Variants in NPAS3 observed in about 807,000 individuals in gnomAD.
NPAS3 encodes the protein neuronal PAS domain protein 3.
In NPAS3, 14 loss-of-function variants were observed where a neutral mutation model predicts 73.1. The observed-to-expected ratio is 0.19, with a 90% CI of 0.13 to 0.30. The LOEUF (loss-of-function observed/expected upper bound fraction) is 0.30. Among genes scored for constraint, NPAS3 ranks in the 10% least tolerant of loss-of-function variants. The pLI is 1.00. For synonymous variants in NPAS3, 620 were observed against 541.5 expected (o/e 1.14, Z -2.01); for missense variants, 1,096 against 1,250.0 (o/e 0.88, Z 1.86).
At chr14:33,313,364 C>T (rs895105191) in intron 3 of NPAS3, among the ~76,000 whole-genome samples, 2 of 151,966 alleles carry the variant, frequency 1.3e-5, no homozygotes, top group African/African-American at 4.8e-5. Context: ...TATTGAATCA[C>T]AGTGCCATCT....
At chr14:33,252,233 A>G (rs1476229061) in intron 3 of NPAS3, among the ~76,000 whole-genome samples, 1 of 152,032 alleles carries the variant, frequency 6.6e-6, no homozygotes, top group Non-Finnish European at 1.5e-5. Flanking sequence ...GGTACAGCCC[A>G]TAGGACTGCA....
rs370502305 is a variant in NPAS3, at chr14:33,129,732, G to A, written c.140+73738G>A. On this transcript the variant is annotated intron_variant, in intron 2 of 11. Transcript: ENST00000356141. Reference sequence around the variant, plus strand: ...TAATAGGAGATGTAGAAGTGAGTATGTATAAAGGATCCCATGTTCAGAGGT... The same window carrying A: ...TAATAGGAGATGTAGAAGTGAGTATATATAAAGGATCCCATGTTCAGAGGT... Among the ~76,000 whole-genome samples the A allele has an allele frequency of 1.5e-4, 23 of 152,194 alleles. No homozygotes were observed. In the South Asian group the frequency reaches 4.6e-3, roughly 30 times the overall value.
At chr14:33,661,994 G>A (rs1422640569) in intron 5 of NPAS3, among the ~76,000 whole-genome samples, 1 of 152,224 alleles carries the variant, frequency 6.6e-6, no homozygotes, top group Non-Finnish European at 1.5e-5. Flanking sequence ...CACATGTAAA[G>A]CTTGTCAAAA....
intron 4 of NPAS3, among the ~76,000 whole-genome samples, chr14:33,447,999 G>C (rs1407096671): frequency 1.3e-5 from 2 of 152,210 alleles, no homozygotes; most frequent in East Asian, 3.8e-4. Flanking sequence ...TACATGTGTG[G>C]CAGAGGGAAC....
At chr14:33,728,042 A>G (rs1216614470) in intron 6 of NPAS3, among the ~76,000 whole-genome samples, 1 of 152,110 alleles carries the variant, frequency 6.6e-6, no homozygotes, top group Non-Finnish European at 1.5e-5. Flanking sequence ...AGAAACACCC[A>G]CTGGTAGCAG....
intron 6 of NPAS3, among the ~76,000 whole-genome samples, chr14:33,705,558 G>A (rs1037503070): frequency 2.6e-5 from 4 of 152,150 alleles, no homozygotes; most frequent in African/African-American, 7.2e-5. Context: ...TGTCTTTTGC[G>A]GACATTCTAG....
chr14:33,701,536 T>C (rs2060523246), intron 6 of NPAS3, among the ~76,000 whole-genome samples: 1 of 152,214 alleles, frequency 6.6e-6, no homozygotes, highest in Non-Finnish European at 1.5e-5. Context: ...AATCCTTCAT[T>C]AGTTTTTAGA....
At chr14:33,205,639 A>G (rs953338873) in intron 2 of NPAS3, among the ~76,000 whole-genome samples, 2 of 152,190 alleles carry the variant, frequency 1.3e-5, no homozygotes, top group Non-Finnish European at 2.9e-5. Flanking sequence ...GTAGTGTTTA[A>G]AAAGGGGAAC....
intron 2 of NPAS3, among the ~76,000 whole-genome samples, chr14:33,117,175 C>T (rs574187893): frequency 6.6e-6 from 1 of 151,974 alleles, no homozygotes; most frequent in African/African-American, 2.4e-5. Context: ...ATGACCATCA[C>T]TTCATGCATT....
At position 32,987,848 on chromosome 14, in the gene NPAS3, C is replaced by T. The variant is rs1380721570; in HGVS notation, c.50+48482C>T. Among the ~76,000 whole-genome samples, 4 of 152,058 alleles carry T rather than the reference C, an allele frequency of 2.6e-5. No individual in the cohort carries two copies. The East Asian group carries it at 5.8e-4, about 22-fold the overall frequency. On this transcript the variant is annotated intron_variant, in intron 1 of 11. Transcript: ENST00000356141. ...GCTATTACCATGACTTAATTTGGAG[C>T]ATTTCCATGAAATTTCTTATACTTG...
intron 3 of NPAS3, among the ~76,000 whole-genome samples, chr14:33,221,310 A>G (rs2047418154): frequency 6.6e-6 from 1 of 152,222 alleles, no homozygotes. Context: ...ACCAAAGTCA[A>G]GGGGCAGGGA....
In NPAS3 at chr14:32,969,116, C is replaced by T. The variant is rs116977311; in HGVS notation, c.50+29750C>T. The stretch of plus-strand genomic sequence containing the variant: ...CTCAACACATGTGGTTGTGGACAGG[C>T]CTTAGTTCCTTGTGGCTGTCCTGGT... On this transcript the variant is annotated intron_variant, in intron 1 of 11. Coordinates refer to ENST00000356141, the Ensembl canonical transcript of NPAS3. 1.4e-3 allele frequency among the ~76,000 whole-genome samples: 217 copies of T among 152,244 alleles called. 2 individuals carry two copies. In the East Asian group the frequency reaches 0.023, roughly 16 times the overall value.
intron 1 of NPAS3, among the ~76,000 whole-genome samples, chr14:33,021,878 G>A (rs34534490): frequency 0.025 from 3,779 of 152,178 alleles, 74 homozygotes; most frequent in Middle Eastern, 0.051. Flanking sequence ...CATTGATGAC[G>A]AACACGTATT....
chr14:32,965,451 C>G (rs1267843604), intron 1 of NPAS3, among the ~76,000 whole-genome samples: 4 of 151,990 alleles, frequency 2.6e-5, no homozygotes, highest in African/African-American at 9.7e-5. Flanking sequence ...GAATGAAGGC[C>G]AAAAACCATC....
At chr14:33,364,579 C>G (rs1293160187) in intron 3 of NPAS3, among the ~76,000 whole-genome samples, 2 of 152,136 alleles carry the variant, frequency 1.3e-5, no homozygotes, top group African/African-American at 4.8e-5. Flanking sequence ...CATGAAACTA[C>G]TTGCAAGATA....
intron 5 of NPAS3, chr14:33,612,512 C>G: frequency 2.2e-6 from 1 of 456,010 alleles, no homozygotes; most frequent in Non-Finnish European, 4.4e-6. Flanking sequence ...CAAATTCTCC[C>G]TTGGAAGGAG....
chr14:33,242,231 A>G (rs771270242), intron 3 of NPAS3, among the ~76,000 whole-genome samples: 1 of 152,044 alleles, frequency 6.6e-6, no homozygotes, highest in Non-Finnish European at 1.5e-5. Flanking sequence ...AAATAATGCA[A>G]GATGTATTTT....
intron 5 of NPAS3, among the ~76,000 whole-genome samples, chr14:33,600,414 C>G (rs1231980802): frequency 6.6e-6 from 1 of 152,116 alleles, no homozygotes; most frequent in African/African-American, 2.4e-5. Context: ...TATTTTTCTG[C>G]CCCTTAACCA....
At chr14:33,326,235 G>A (rs2043698762) in intron 3 of NPAS3, among the ~76,000 whole-genome samples, 1 of 152,074 alleles carries the variant, frequency 6.6e-6, no homozygotes, top group Non-Finnish European at 1.5e-5. Context: ...AAAGCCTAAA[G>A]CTATAGTGAA....
Sources: gnomAD v4.1 joint callset for allele counts (sites outside exome capture counted in the v4.1 genomes callset) on GRCh38, gnomAD v4.1.1 for gene constraint, MANE v1.5 for transcripts, NCBI Gene and HGNC (gene_info 2026-07-23, HGNC 2026-07-21) for gene names.